CA10: variants seen among roughly 807,000 people sequenced by gnomAD.
The protein encoded by CA10 is carbonic anhydrase 10 (inactive).
In CA10, 14 loss-of-function variants were observed where a neutral mutation model predicts 44.2. The observed-to-expected ratio is 0.32, with a 90% CI of 0.21 to 0.50. CA10 has a LOEUF of 0.50. Ranked by LOEUF, CA10 falls within the 20% of genes least tolerant of loss-of-function variation. The pLI, the probability that CA10 is intolerant of heterozygous loss-of-function variation, is 0.99. For missense variants in CA10, 350 were observed against 409.7 expected (o/e 0.85, Z 1.26); for synonymous variants, 159 against 141.6 (o/e 1.12, Z -0.87).
chr17:51,738,177 T>C (rs1381742074), intron 4 of CA10, among the ~76,000 whole-genome samples: 1 of 152,198 alleles, frequency 6.6e-6, no homozygotes, highest in Non-Finnish European at 1.5e-5. Context: ...TTATTATCTG[T>C]CAACTGGCGA....
At chr17:51,963,684 A>G (rs544704190) in intron 2 of CA10, among the ~76,000 whole-genome samples, 2 of 152,354 alleles carry the variant, frequency 1.3e-5, no homozygotes, top group South Asian at 4.1e-4. Context: ...TAAGTGAAGG[A>G]GAAATAAAAT....
rs1345499875 is a variant in CA10, at chr17:51,717,856, T to C, written c.465+29777A>G. Among the ~76,000 whole-genome samples, 4 of 58,786 alleles carry C rather than the reference T, an allele frequency of 6.8e-5. 1 individual carries two copies. Among genetic ancestry groups the C allele is most frequent in the African/African-American group, 2.1e-4 (4 of 19,082 alleles). The allele number at this position is 58,786 out of a possible 152,430, so 38.6% of individuals were successfully genotyped here. On this transcript the variant is annotated intron_variant, in intron 4 of 8. Transcript: ENST00000451037. Reference sequence around the variant, plus strand: ...ATATATATATATATATATATATATATATATATATATATACAGGATAGAATA... The same window carrying C: ...ATATATATATATATATATATATATACATATATATATATACAGGATAGAATA...
intron 2 of CA10, among the ~76,000 whole-genome samples, chr17:52,011,029 GT>G (rs1384487950): frequency 1.3e-5 from 2 of 151,704 alleles, no homozygotes; most frequent in East Asian, 3.9e-4. Context: ...ACGGGATCCT[GT>G]CCTGAGTCAG....
intron 4 of CA10, among the ~76,000 whole-genome samples, chr17:51,737,538 T>C (rs1916953367): frequency 6.6e-6 from 1 of 152,010 alleles, no homozygotes; most frequent in African/African-American, 2.4e-5. Context: ...CCCTATAATA[T>C]ATATATAGAA....
At chr17:52,115,935 T>C (rs1988885983) in intron 1 of CA10, among the ~76,000 whole-genome samples, 1 of 152,118 alleles carries the variant, frequency 6.6e-6, no homozygotes, top group Non-Finnish European at 1.5e-5. Flanking sequence ...CTACTAAAAA[T>C]ACAAAAATTA....
intron 1 of CA10, among the ~76,000 whole-genome samples, 173 bp from the exon 2 acceptor site, chr17:52,072,566 C>T (rs572025918): frequency 4.0e-4 from 60 of 149,006 alleles, no homozygotes; most frequent in Non-Finnish European, 8.0e-4. Context: ...GATCATTGAT[C>T]GGTAAATATA....
intron 3 of CA10, among the ~76,000 whole-genome samples, chr17:51,832,984 A>T (rs1373615370): frequency 1.3e-5 from 2 of 152,064 alleles, no homozygotes; most frequent in African/African-American, 4.8e-5. Flanking sequence ...CAGTTCTAAG[A>T]TCCAAAATTC....
At chr17:52,032,180 A>T (rs1030114549) in intron 2 of CA10, among the ~76,000 whole-genome samples, 1 of 152,196 alleles carries the variant, frequency 6.6e-6, no homozygotes, top group African/African-American at 2.4e-5. Context: ...ATAGCTGGTT[A>T]TGTGATTTTC....
intron 3 of CA10, among the ~76,000 whole-genome samples, chr17:51,757,323 C>T (rs1197554430): frequency 6.6e-6 from 1 of 152,150 alleles, no homozygotes; most frequent in African/African-American, 2.4e-5. Flanking sequence ...TCATTGGCTT[C>T]AGTGCAGCAT....
At chr17:51,842,394 G>A (rs1978330284) in intron 3 of CA10, among the ~76,000 whole-genome samples, 1 of 152,128 alleles carries the variant, frequency 6.6e-6, no homozygotes. Context: ...CTAAAGAACT[G>A]GCTGCCTGTG....
intron 4 of CA10, among the ~76,000 whole-genome samples, chr17:51,707,671 ATGTGTGTGTGTGTGTGTG>A (rs3031847): frequency 7.0e-6 from 1 of 142,910 alleles, no homozygotes. Flanking sequence ...GTGGATGAAT[ATGTGTGTGTGTGTGTGTG>A]TGTGTGTGTG....
intron 4 of CA10, among the ~76,000 whole-genome samples, chr17:51,671,934 A>T (rs914457542): frequency 1.3e-5 from 2 of 152,188 alleles, no homozygotes; most frequent in East Asian, 1.9e-4. Flanking sequence ...TGCTTGTAGC[A>T]GTTCCTCCAT....
chr17:52,075,023 T>G (rs1987781510), intron 1 of CA10, among the ~76,000 whole-genome samples: 1 of 152,062 alleles, frequency 6.6e-6, no homozygotes, highest in South Asian at 2.1e-4. Context: ...AATGGCAGAG[T>G]GGAATAGTTA....
At chr17:51,958,588 T>C (rs1983755566) in intron 2 of CA10, among the ~76,000 whole-genome samples, 1 of 152,214 alleles carries the variant, frequency 6.6e-6, no homozygotes, top group Admixed American at 6.5e-5. Flanking sequence ...ATATTGCGGT[T>C]CATTATATTT....
intron 4 of CA10, among the ~76,000 whole-genome samples, chr17:51,734,087 C>T (rs966930703): frequency 6.7e-6 from 1 of 149,704 alleles, no homozygotes; most frequent in Admixed American, 6.7e-5. Flanking sequence ...ACAATCTGAG[C>T]TTTACTTTTT....
intron 2 of CA10, among the ~76,000 whole-genome samples, chr17:51,962,630 G>A (rs1383452919): frequency 1.3e-5 from 2 of 152,108 alleles, no homozygotes; most frequent in African/African-American, 4.8e-5. Context: ...TTACCAAGAG[G>A]AAGTGCATAT....
chr17:52,035,819 A>G (rs567840320), intron 2 of CA10, among the ~76,000 whole-genome samples: 11 of 152,238 alleles, frequency 7.2e-5, no homozygotes, highest in South Asian at 2.1e-4. Flanking sequence ...TAAATGAGGC[A>G]TTCCTGTTGT....
intron 4 of CA10, among the ~76,000 whole-genome samples, chr17:51,700,872 A>G (rs1224663422): frequency 6.6e-6 from 1 of 152,118 alleles, no homozygotes; most frequent in African/African-American, 2.4e-5. Context: ...AACAATGAGA[A>G]CACATGGACA....
At chr17:51,631,702 A>G in intron 8 of CA10, 96 bp from the exon 9 acceptor site, 3 of 1,050,956 alleles carry the variant, frequency 2.9e-6, no homozygotes, top group Non-Finnish European at 4.4e-6. Flanking sequence ...ATTCCTCCAG[A>G]GGGGAAGGGA....
Sources: allele counts gnomAD v4.1 joint callset (sites outside exome capture counted in the v4.1 genomes callset), GRCh38; gene constraint gnomAD v4.1.1; transcripts MANE v1.5; gene names NCBI Gene and HGNC (gene_info 2026-07-23, HGNC 2026-07-21).